Variants in STXBP5 observed in about 807,000 individuals in gnomAD.
STXBP5 encodes the protein syntaxin-binding protein 5.
STXBP5 carries 50 observed loss-of-function variants against 152.4 expected under a neutral mutation model. The observed-to-expected ratio is 0.33, with a 90% CI of 0.26 to 0.42. STXBP5 has a LOEUF of 0.42. Ranked by LOEUF, STXBP5 falls within the 10% of genes least tolerant of loss-of-function variation. The probability of loss-of-function intolerance (pLI) is 1.00; values close to 1 mark genes in which losing one functional copy is unlikely to be tolerated. For synonymous variants in STXBP5, 492 were observed against 494.7 expected (o/e 0.99, Z 0.07); for missense variants, 1,167 against 1,388.6 (o/e 0.84, Z 2.54).
intron 2 of STXBP5, among the ~76,000 whole-genome samples, chr6:147,223,120 A>G (rs1777540474): frequency 6.6e-6 from 1 of 152,188 alleles, no homozygotes; most frequent in Non-Finnish European, 1.5e-5. Context: ...AATGATTTCC[A>G]TGCTCCTTAC....
chr6:147,339,091 G>T, intron 19 of STXBP5, 88 bp from the exon 20 acceptor site: 2 of 1,169,266 alleles, frequency 1.7e-6, no homozygotes, highest in African/African-American at 1.6e-5. Context: ...AAAGTTACCA[G>T]ATTTTTTATT....
Position 147,387,184 on chromosome 6 carries a change from A to C in STXBP5, c.*2429A>C, listed in dbSNP as rs1196375371. On this transcript the variant is annotated 3_prime_UTR_variant, in exon 28 of 28. Transcript: ENST00000321680. ...GAGTTATACTTGATTCTGTCTGTAG[A>C]TAAGAGACAGTCTACAGTAATAACT... 3.3e-5 allele frequency: 5 copies of C among 151,692 alleles called. No individual in the cohort carries two copies. Among genetic ancestry groups the C allele is most frequent in the Non-Finnish European group, 7.4e-5 (5 of 67,708 alleles). The allele number at this position is 151,692 out of a possible 1,614,324, so 9.4% of individuals were successfully genotyped here.
intron 9 of STXBP5, among the ~76,000 whole-genome samples, chr6:147,304,701 G>T (rs780613756): frequency 6.6e-6 from 1 of 152,134 alleles, no homozygotes; most frequent in Non-Finnish European, 1.5e-5. Flanking sequence ...AAAGCCACAG[G>T]GGCAGAGCTG....
chr6:147,291,835 A>AT (rs1396754705), intron 9 of STXBP5, among the ~76,000 whole-genome samples: 5 of 152,276 alleles, frequency 3.3e-5, no homozygotes, highest in African/African-American at 1.2e-4. Flanking sequence ...TTCCCCAGGA[A>AT]AAGTATATGG....
intron 25 of STXBP5, among the ~76,000 whole-genome samples, chr6:147,365,226 A>G (rs1011331109): frequency 3.9e-5 from 6 of 152,336 alleles, no homozygotes; most frequent in African/African-American, 1.2e-4. Flanking sequence ...AAAATTACAT[A>G]TCTGACATTA....
Position 147,316,336 on chromosome 6 carries a change from C to A in STXBP5, c.1731C>A (p.Ile577=). The stretch of plus-strand genomic sequence containing the variant: ...TGGGAGGGTCCAACCCTCAGCCCAT[C>A]CCTCCTCAGTCTCATCCATCTACCA... ...TPVGGSNPQP[I]PPQSHPSTSS... Residue 577 remains isoleucine, a synonymous_variant, in exon 16 of 28, where the codon ATC becomes ATA. Coordinates refer to ENST00000321680, the MANE Select transcript of STXBP5 (RefSeq NM_001127715.4). The A allele has an allele frequency of 6.2e-7, 1 of 1,612,778 alleles. No homozygotes were observed. Among genetic ancestry groups the A allele is most frequent in the East Asian group, 2.2e-5 (1 of 44,800 alleles).
intron 26 of STXBP5, 34 bp downstream of exon 26, chr6:147,373,876 T>C (rs1490006978): frequency 6.6e-7 from 1 of 1,524,466 alleles, no homozygotes; most frequent in South Asian, 1.2e-5. Flanking sequence ...ATAATATATC[T>C]ATAAAACAGG....
intron 26 of STXBP5, among the ~76,000 whole-genome samples, chr6:147,377,037 T>C (rs938782056): frequency 2.6e-5 from 4 of 152,158 alleles, no homozygotes; most frequent in Non-Finnish European, 5.9e-5. Flanking sequence ...AATATTGACA[T>C]AGCTAATAGA....
intron 8 of STXBP5, among the ~76,000 whole-genome samples, chr6:147,279,268 G>A (rs897182721): frequency 1.3e-5 from 2 of 152,084 alleles, no homozygotes; most frequent in African/African-American, 4.8e-5. Flanking sequence ...TTTAGAATTT[G>A]TATTTCTTTA....
intron 8 of STXBP5, among the ~76,000 whole-genome samples, chr6:147,287,226 G>A (rs1379463063): frequency 2.9e-4 from 30 of 102,100 alleles, no homozygotes; most frequent in African/African-American, 9.1e-4. Flanking sequence ...TTTTTGAGAC[G>A]GAGTCTCGCT....
intron 8 of STXBP5, among the ~76,000 whole-genome samples, chr6:147,286,846 G>A (rs1202649177): frequency 1.3e-5 from 2 of 151,554 alleles, no homozygotes; most frequent in African/African-American, 4.9e-5. Context: ...CTCCTTTCTT[G>A]TCCCACCAGG....
intron 4 of STXBP5, among the ~76,000 whole-genome samples, chr6:147,251,098 C>G (rs1235867093): frequency 6.6e-6 from 1 of 152,014 alleles, no homozygotes; most frequent in Non-Finnish European, 1.5e-5. Context: ...CAGCTCATCT[C>G]ATTGGGATTG....
chr6:147,222,583 G>A (rs1187315886), intron 2 of STXBP5, among the ~76,000 whole-genome samples: 2 of 152,128 alleles, frequency 1.3e-5, no homozygotes. Flanking sequence ...GGGCCCACTG[G>A]AGTGATTTTT....
Position 147,278,186 on chromosome 6 carries a change from C to A in STXBP5, c.820C>A (p.Gln274Lys). The change falls in exon 8 of 28, where the codon CAG becomes AAG. Residue 274 changes from glutamine (Q) to lysine (K), a missense_variant. Coordinates refer to ENST00000321680, the MANE Select transcript of STXBP5 (RefSeq NM_001127715.4). Reference sequence around the variant, plus strand: ...TGTAAGGTCCCCTGCTAAACCAGTACAGACAATCACTCCACATGGTAAGAA... The same window carrying A: ...TGTAAGGTCCCCTGCTAAACCAGTAAAGACAATCACTCCACATGGTAAGAA... The part of the protein sequence containing the change: ...WNVRSPAKPV[Q>K]TITPHGKQLK... 1 of 1,610,318 alleles carries A rather than the reference C, an allele frequency of 6.2e-7. No individual in the cohort carries two copies. Among genetic ancestry groups the A allele is most frequent in the Non-Finnish European group, 8.5e-7 (1 of 1,177,846 alleles).
intron 4 of STXBP5, among the ~76,000 whole-genome samples, chr6:147,240,708 G>A (rs538532773): frequency 2.0e-5 from 3 of 152,166 alleles, no homozygotes; most frequent in African/African-American, 7.2e-5. Context: ...TGAACTTAAA[G>A]TAGAGGAAGG....
chr6:147,309,052 A>C (rs899388068), intron 9 of STXBP5, among the ~76,000 whole-genome samples: 10 of 152,182 alleles, frequency 6.6e-5, no homozygotes, highest in Non-Finnish European at 1.3e-4. Flanking sequence ...GCCAAAGATC[A>C]TACAGAAATT....
chr6:147,207,255 CAA>C (rs1776615363), intron 2 of STXBP5, among the ~76,000 whole-genome samples: 2 of 152,114 alleles, frequency 1.3e-5, no homozygotes, highest in African/African-American at 4.8e-5. Flanking sequence ...GATAATGCCT[CAA>C]GTTTTATTTG....
chr6:147,354,886 G>T (rs557944449), intron 22 of STXBP5, among the ~76,000 whole-genome samples: 1 of 152,168 alleles, frequency 6.6e-6, no homozygotes, highest in Non-Finnish European at 1.5e-5. Context: ...AAGTTATTTT[G>T]TTGTTGAACT....
intron 18 of STXBP5, among the ~76,000 whole-genome samples, chr6:147,332,256 A>G (rs1353496480): frequency 6.6e-6 from 1 of 152,220 alleles, no homozygotes; most frequent in African/African-American, 2.4e-5. Context: ...CAAAACAGAC[A>G]AAATTCTCTA....
Sources: gnomAD v4.1 joint callset for allele counts (sites outside exome capture counted in the v4.1 genomes callset) on GRCh38, gnomAD v4.1.1 for gene constraint, MANE v1.5 for transcripts, NCBI Gene and HGNC (gene_info 2026-07-23, HGNC 2026-07-21) for gene names.